SLC12A6: variants seen among roughly 807,000 people sequenced by gnomAD.
SLC12A6 encodes K-Cl cotransporter 3.
SLC12A6 carries 66 observed loss-of-function variants against 135.3 expected under a neutral mutation model. That is an observed-to-expected ratio of 0.49 (90% confidence interval 0.40 to 0.60). SLC12A6 has a LOEUF of 0.60. SLC12A6 is among the 20% of genes least tolerant of loss of function. The pLI is 0.00. For synonymous variants in SLC12A6, 513 were observed against 508.8 expected (o/e 1.01, Z -0.11); for missense variants, 1,058 against 1,452.3 (o/e 0.73, Z 4.41).
intron 2 of SLC12A6, among the ~76,000 whole-genome samples, chr15:34,280,085 TTTA>T (rs1462698728): frequency 6.6e-6 from 1 of 152,242 alleles, no homozygotes; most frequent in African/African-American, 2.4e-5. Context: ...TCTGAAGAGC[TTTA>T]TTATTTTCCT....
At chr15:34,331,538 A>G (rs962030724) in intron 2 of SLC12A6, among the ~76,000 whole-genome samples, 4 of 152,208 alleles carry the variant, frequency 2.6e-5, no homozygotes, top group Non-Finnish European at 5.9e-5. Context: ...TTATCAGAGT[A>G]CGTTTTTAAT....
intron 2 of SLC12A6, among the ~76,000 whole-genome samples, chr15:34,277,599 G>C (rs1894387291): frequency 6.6e-6 from 1 of 152,178 alleles, no homozygotes; most frequent in Non-Finnish European, 1.5e-5. Context: ...GGCATGAAAA[G>C]AAGAGTAGAG....
chr15:34,234,005 A>T (rs764043055), intron 25 of SLC12A6, 33 bp from the exon 26 acceptor site: 34 of 1,133,846 alleles, frequency 3.0e-5, no homozygotes, highest in Non-Finnish European at 4.5e-5. Context: ...AGGCAAAAGA[A>T]GAGCACAAAC....
At chr15:34,246,792 G>C (rs1214425598) in intron 13 of SLC12A6, among the ~76,000 whole-genome samples, 1 of 152,076 alleles carries the variant, frequency 6.6e-6, no homozygotes, top group Non-Finnish European at 1.5e-5. Context: ...GACCACAAGT[G>C]TGTGCTACCA....
chr15:34,263,059 C>G (rs1224137753), intron 3 of SLC12A6, among the ~76,000 whole-genome samples: 2 of 151,910 alleles, frequency 1.3e-5, no homozygotes, highest in Admixed American at 6.6e-5. Flanking sequence ...TACCCCAATC[C>G]TCAGCATCAT....
In SLC12A6 at chr15:34,232,264, G is replaced by C. The variant is rs1890999862; in HGVS notation, c.*1617C>G. The C allele has an allele frequency of 6.6e-6, 1 of 152,174 alleles. No homozygotes were observed. Among genetic ancestry groups the C allele is most frequent in the Non-Finnish European group, 1.5e-5 (1 of 68,070 alleles). The allele number at this position is 152,174 out of a possible 1,614,324, so 9.4% of individuals were successfully genotyped here. A position where few individuals can be genotyped will look rare whatever the true frequency, so the allele number is the denominator to read the frequency against. On this transcript the variant is annotated 3_prime_UTR_variant, in exon 26 of 26. Transcript: ENST00000354181. ...CTTTCTTTTTGAAACATATCACTCT[G>C]TTACCCAGGCTGGAGTGCAGAGGTG...
At position 34,235,425 on chromosome 15, in the gene SLC12A6, A is replaced by G. The variant is rs1035563664; in HGVS notation, c.3228-111T>C. 2.5e-5 allele frequency: 19 copies of G among 763,800 alleles called. No homozygotes were observed. The African/African-American group carries it at 3.3e-4, about 13-fold the overall frequency. 47.3% of individuals were successfully genotyped at this position (763,800 alleles called of 1,614,324 possible). On this transcript the variant is annotated intron_variant, in intron 24 of 25. Coordinates refer to ENST00000354181, the MANE Select transcript of SLC12A6 (RefSeq NM_001365088.1). ...TTCACTTGACTATGGATAATCTGAT[A>G]AAATGATTTTTTTTTTTTTTTTTTT...
Position 34,235,997 on chromosome 15 carries a change from G to A in SLC12A6, c.3227+18C>T, listed in dbSNP as rs1264954165. The A allele has an allele frequency of 6.3e-7, 1 of 1,598,292 alleles. No homozygotes were observed. Among genetic ancestry groups the A allele is most frequent in the Admixed American group, 1.7e-5 (1 of 59,998 alleles). On this transcript the variant is annotated intron_variant, in intron 24 of 25. Transcript: ENST00000354181. ...GATTAGGTAATTTTATGATAAACTT[G>A]GGAGTGGGAAAACTTACGGACGCAT...
chr15:34,316,101 C>T (rs1888631111), intron 2 of SLC12A6, among the ~76,000 whole-genome samples: 2 of 148,950 alleles, frequency 1.3e-5, no homozygotes, highest in African/African-American at 4.9e-5. Flanking sequence ...CTCATCTGTC[C>T]CGTTCAAATA....
chr15:34,270,823 ACAAAAAAC>A (rs1420945827), intron 3 of SLC12A6, among the ~76,000 whole-genome samples: 23 of 137,930 alleles, frequency 1.7e-4, no homozygotes, highest in African/African-American at 6.3e-4. Context: ...ACAAAACAAA[ACAAAAAAC>A]AAAAAAAAAA....
At chr15:34,323,743 G>T (rs975842472) in intron 2 of SLC12A6, among the ~76,000 whole-genome samples, 5 of 152,092 alleles carry the variant, frequency 3.3e-5, no homozygotes, top group African/African-American at 1.2e-4. Flanking sequence ...TTGAGCTCAG[G>T]AGTTTGAGAC....
In SLC12A6 at chr15:34,245,434, G is replaced by C. The variant is rs990586961; in HGVS notation, c.1825-31C>G. On this transcript the variant is annotated intron_variant, in intron 14 of 25. Coordinates refer to ENST00000354181, the MANE Select transcript of SLC12A6 (RefSeq NM_001365088.1). ...CACAGAAGGGAAATATCAGGCACAG[G>C]AGTACTGAGTCATTGCTCTCTGATT... The C allele has an allele frequency of 3.3e-6, 4 of 1,216,380 alleles. No individual in the cohort carries two copies. In the East Asian group the frequency reaches 9.3e-5, roughly 28 times the overall value. The allele number at this position is 1,216,380 out of a possible 1,614,324, so 75.3% of individuals were successfully genotyped here.
intron 2 of SLC12A6, chr15:34,318,821 A>G: frequency 6.6e-7 from 1 of 1,526,034 alleles, no homozygotes; most frequent in Non-Finnish European, 8.8e-7. Context: ...GAAGTACTTT[A>G]AGCTCACGTG....
At position 34,267,759 on chromosome 15, in the gene SLC12A6, A is replaced by T. The variant is rs191499095; in HGVS notation, c.317-6739T>A. On this transcript the variant is annotated intron_variant, in intron 3 of 25. Transcript: ENST00000354181. The stretch of plus-strand genomic sequence containing the variant: ...TTTTGGTACTGAGAATTCTTCTGTC[A>T]TTCTGTTGTTCCTTTGATGAACTGT... 1.6e-3 allele frequency among the ~76,000 whole-genome samples: 249 copies of T among 152,240 alleles called. 1 individual carries two copies. Among genetic ancestry groups the T allele is most frequent in the Non-Finnish European group, 2.6e-3 (174 of 68,010 alleles).
chr15:34,315,495 G>A (rs1395389544), intron 2 of SLC12A6, among the ~76,000 whole-genome samples: 2 of 152,170 alleles, frequency 1.3e-5, no homozygotes, highest in African/African-American at 4.8e-5. Context: ...GCTGAGGCAG[G>A]AGGGGAGGAT....
At chr15:34,297,047 C>T (rs1032233631) in intron 2 of SLC12A6, among the ~76,000 whole-genome samples, 18 of 152,168 alleles carry the variant, frequency 1.2e-4, no homozygotes, top group African/African-American at 4.3e-4. Context: ...ACCTTCTCCC[C>T]TCATCCTGCC....
intron 1 of SLC12A6, 192 bp downstream of exon 1, chr15:34,337,139 CT>C (rs1890253407): frequency 1.1e-5 from 3 of 270,018 alleles, no homozygotes; most frequent in Non-Finnish European, 2.2e-5. Flanking sequence ...GCAGGCAAAC[CT>C]TTATCAGGCG....
At chr15:34,239,204 G>T in intron 19 of SLC12A6, 44 bp from the exon 20 acceptor site, 1 of 1,406,328 alleles carries the variant, frequency 7.1e-7, no homozygotes, top group Non-Finnish European at 1.0e-6. Flanking sequence ...GTTCACTCTG[G>T]ACATTTTAAC....
chr15:34,249,006 A>G (rs117165591), intron 13 of SLC12A6, among the ~76,000 whole-genome samples: 2,164 of 152,316 alleles, frequency 0.014, 25 homozygotes, highest in South Asian at 0.036. Context: ...ATAACAGTAA[A>G]AAGAGGTAGA....
Sources: allele counts gnomAD v4.1 joint callset (sites outside exome capture counted in the v4.1 genomes callset), GRCh38; gene constraint gnomAD v4.1.1; transcripts MANE v1.5; gene names NCBI Gene and HGNC (gene_info 2026-07-23, HGNC 2026-07-21).